SLC24A3: variants seen among roughly 807,000 people sequenced by gnomAD.
The protein encoded by SLC24A3 is sodium/potassium/calcium exchanger 3.
Under a neutral mutation model 75.8 loss-of-function variants are expected in SLC24A3, and 28 were observed. The observed-to-expected ratio is 0.37, with a 90% CI of 0.27 to 0.51. SLC24A3 has a LOEUF of 0.51. SLC24A3 is among the 20% of genes least tolerant of loss of function. The probability of loss-of-function intolerance (pLI) is 0.94; values close to 1 mark genes in which losing one functional copy is unlikely to be tolerated. For synonymous variants in SLC24A3, 372 were observed against 334.1 expected (o/e 1.11, Z -1.24); for missense variants, 663 against 847.8 (o/e 0.78, Z 2.71).
At chr20:19,250,494 T>G (rs1041349611) in intron 1 of SLC24A3, among the ~76,000 whole-genome samples, 1 of 152,238 alleles carries the variant, frequency 6.6e-6, no homozygotes, top group African/African-American at 2.4e-5. Context: ...ATCTTCTTTC[T>G]TCAGTGTTTT....
chr20:19,514,544 TGTGTGCTGCTTCCTGCCGCGCCTG>T (rs1003357643), intron 2 of SLC24A3, among the ~76,000 whole-genome samples: 2 of 152,048 alleles, frequency 1.3e-5, no homozygotes, highest in African/African-American at 4.8e-5. Context: ...GTGGGGGTGG[TGTGTGCTGCTTCCTGCCGCGCCTG>T]GTGGGCACAT....
chr20:19,640,505 T>C (rs1340692905), intron 6 of SLC24A3, among the ~76,000 whole-genome samples: 1 of 152,178 alleles, frequency 6.6e-6, no homozygotes, highest in Non-Finnish European at 1.5e-5. Context: ...ATCCTAGCAC[T>C]TTGGGAGGCC....
chr20:19,536,957 C>T (rs992096552), intron 3 of SLC24A3, among the ~76,000 whole-genome samples: 1 of 152,144 alleles, frequency 6.6e-6, no homozygotes, highest in African/African-American at 2.4e-5. Context: ...ATTCAGGACA[C>T]AGGCATGGGC....
chr20:19,290,928 G>A lies in SLC24A3; in HGVS notation c.271+9841G>A, dbSNP rs766862468. On this transcript the variant is annotated intron_variant, in intron 2 of 16. Transcript: ENST00000328041. ...TTCTTCACTCTATCTTGGAGACCACGGGTTTTGTTTCTAAGCTTTCTTGCC... is the reference window on the plus strand; with the variant it reads ...TTCTTCACTCTATCTTGGAGACCACAGGTTTTGTTTCTAAGCTTTCTTGCC... Among the ~76,000 whole-genome samples, 173 of 152,324 alleles carry A rather than the reference G, an allele frequency of 1.1e-3. 1 individual carries two copies. In the Middle Eastern group the frequency reaches 0.031, roughly 27 times the overall value.
intron 2 of SLC24A3, among the ~76,000 whole-genome samples, chr20:19,374,672 A>G (rs1250597133): frequency 6.6e-6 from 1 of 152,202 alleles, no homozygotes; most frequent in Non-Finnish European, 1.5e-5. Context: ...CTCAATGTGA[A>G]GCTCAGGTAT....
intron 2 of SLC24A3, among the ~76,000 whole-genome samples, chr20:19,457,765 T>C (rs1435351243): frequency 6.6e-6 from 1 of 152,234 alleles, no homozygotes; most frequent in Non-Finnish European, 1.5e-5. Flanking sequence ...TAGCCTGCTG[T>C]GAATCCCATC....
intron 2 of SLC24A3, among the ~76,000 whole-genome samples, chr20:19,447,893 C>T (rs985497773): frequency 1.3e-5 from 2 of 152,192 alleles, no homozygotes; most frequent in East Asian, 1.9e-4. Context: ...GTGGGTACTT[C>T]GTGAAGGCTG....
intron 2 of SLC24A3, among the ~76,000 whole-genome samples, chr20:19,493,628 G>A (rs140778549): frequency 1.1e-4 from 17 of 152,292 alleles, no homozygotes; most frequent in African/African-American, 4.1e-4. Flanking sequence ...TCAGGGGGTG[G>A]GTAAGAGGAG....
chr20:19,458,038 T>A (rs1987608813), intron 2 of SLC24A3, among the ~76,000 whole-genome samples: 1 of 152,186 alleles, frequency 6.6e-6, no homozygotes, highest in South Asian at 2.1e-4. Flanking sequence ...ATAATGACTG[T>A]TTCATCCATG....
At chr20:19,391,442 C>T (rs1230962608) in intron 2 of SLC24A3, among the ~76,000 whole-genome samples, 1 of 152,208 alleles carries the variant, frequency 6.6e-6, no homozygotes, top group Admixed American at 6.5e-5. Context: ...CATCCTGTAG[C>T]TCAGTTTTTC....
chr20:19,570,061 T>C (rs1023768154), intron 3 of SLC24A3, among the ~76,000 whole-genome samples: 2 of 152,142 alleles, frequency 1.3e-5, no homozygotes, highest in Non-Finnish European at 2.9e-5. Context: ...CACTGGGAAA[T>C]TTATTAAGAA....
intron 6 of SLC24A3, among the ~76,000 whole-genome samples, chr20:19,620,941 T>C (rs1003733006): frequency 2.6e-5 from 4 of 152,180 alleles, no homozygotes; most frequent in African/African-American, 9.6e-5. Flanking sequence ...AAAATATTAC[T>C]AACTCTGAAA....
At chr20:19,292,418 C>G (rs1198222664) in intron 2 of SLC24A3, among the ~76,000 whole-genome samples, 2 of 152,152 alleles carry the variant, frequency 1.3e-5, no homozygotes, top group African/African-American at 2.4e-5. Flanking sequence ...ACTACAAAAA[C>G]CCAGGCGGAA....
intron 15 of SLC24A3, among the ~76,000 whole-genome samples, chr20:19,712,235 G>GTCA (rs1199252012): frequency 2.0e-5 from 3 of 152,080 alleles, no homozygotes; most frequent in Non-Finnish European, 4.4e-5. Context: ...GCAGGCATAA[G>GTCA]TCACCACGCC....
intron 2 of SLC24A3, among the ~76,000 whole-genome samples, chr20:19,305,570 A>G (rs978635752): frequency 1.3e-5 from 2 of 152,068 alleles, no homozygotes; most frequent in Non-Finnish European, 2.9e-5. Flanking sequence ...CTCATGACAC[A>G]TAGACCAATG....
chr20:19,519,503 A>C (rs767006736), intron 3 of SLC24A3, among the ~76,000 whole-genome samples: 4 of 152,338 alleles, frequency 2.6e-5, no homozygotes, highest in Admixed American at 6.5e-5. Flanking sequence ...TTTTTAAAAA[A>C]GGTTTCTGTT....
At chr20:19,661,313 A>G (rs2032323733) in intron 7 of SLC24A3, among the ~76,000 whole-genome samples, 1 of 152,116 alleles carries the variant, frequency 6.6e-6, no homozygotes, top group South Asian at 2.1e-4. Flanking sequence ...AATCAAGCCT[A>G]TAAGACATCC....
At chr20:19,343,438 A>G (rs948087698) in intron 2 of SLC24A3, among the ~76,000 whole-genome samples, 3 of 152,218 alleles carry the variant, frequency 2.0e-5, no homozygotes, top group African/African-American at 4.8e-5. Context: ...ACGTGAAGCA[A>G]TTAGACCCCT....
intron 2 of SLC24A3, among the ~76,000 whole-genome samples, chr20:19,480,679 C>G (rs1988038491): frequency 6.6e-6 from 1 of 152,104 alleles, no homozygotes; most frequent in Admixed American, 6.5e-5. Flanking sequence ...ACCTTATTCT[C>G]ATGGTTGGGA....
Sources: gnomAD v4.1 joint callset for allele counts (sites outside exome capture counted in the v4.1 genomes callset) on GRCh38, gnomAD v4.1.1 for gene constraint, MANE v1.5 for transcripts, NCBI Gene and HGNC (gene_info 2026-07-23, HGNC 2026-07-21) for gene names.